Variants in FOXP1 observed in about 807,000 individuals in gnomAD.
FOXP1 encodes forkhead box protein P1.
In FOXP1, 15 loss-of-function variants were observed where a neutral mutation model predicts 98.2. That is an observed-to-expected ratio of 0.15 (90% confidence interval 0.10 to 0.24). The LOEUF is 0.24. Among genes scored for constraint, FOXP1 ranks in the 10% least tolerant of loss-of-function variants. The pLI is 1.00. For missense variants in FOXP1, 633 were observed against 848.5 expected, an observed-to-expected ratio of 0.75 and a Z score of 3.15; for synonymous variants, 371 against 314.5, an observed-to-expected ratio of 1.18 and a Z score of -1.90.
chr3:71,376,731 A>AC (rs1379300410), intron 3 of FOXP1, among the ~76,000 whole-genome samples: 5 of 152,106 alleles, frequency 3.3e-5, no homozygotes, highest in Non-Finnish European at 7.4e-5. Flanking sequence ...TTTCCTCTTA[A>AC]CCCCTCGATG....
intron 6 of FOXP1, among the ~76,000 whole-genome samples, chr3:71,178,227 C>T (rs1367391047): frequency 2.6e-5 from 4 of 151,450 alleles, no homozygotes; most frequent in African/African-American, 9.7e-5. Context: ...CTCCGCCTCC[C>T]GGGTTCAAGC....
At chr3:71,080,762 C>T (rs1343089561) in intron 7 of FOXP1, among the ~76,000 whole-genome samples, 1 of 152,150 alleles carries the variant, frequency 6.6e-6, no homozygotes, top group Non-Finnish European at 1.5e-5. Context: ...GATTCATCTC[C>T]TTCAGAATCC....
chr3:71,338,646 G>C (rs1255597042), intron 4 of FOXP1, among the ~76,000 whole-genome samples: 1 of 152,000 alleles, frequency 6.6e-6, no homozygotes, highest in Non-Finnish European at 1.5e-5. Flanking sequence ...AGCCAGGATG[G>C]TCTCGAACTC....
chr3:71,342,788 A>G (rs1312619408), intron 4 of FOXP1, among the ~76,000 whole-genome samples: 1 of 152,158 alleles, frequency 6.6e-6, no homozygotes. Flanking sequence ...TTGCAAAAAT[A>G]GTACAATACC....
intron 7 of FOXP1, among the ~76,000 whole-genome samples, chr3:71,082,666 A>G (rs2054582684): frequency 6.6e-6 from 1 of 152,048 alleles, no homozygotes. Flanking sequence ...AAAAAAAAAC[A>G]GACAAAAATT....
At chr3:71,478,270 C>T (rs563383275) in intron 3 of FOXP1, among the ~76,000 whole-genome samples, 3 of 152,202 alleles carry the variant, frequency 2.0e-5, no homozygotes, top group Admixed American at 6.5e-5. Flanking sequence ...ATCCGTAATA[C>T]CACCATCTGA....
chr3:71,490,831 T>C (rs561467491), intron 3 of FOXP1, among the ~76,000 whole-genome samples: 112 of 152,306 alleles, frequency 7.4e-4, no homozygotes, highest in Non-Finnish European at 1.3e-3. Context: ...AATTTTGTAA[T>C]AGTGAGATTG....
intron 6 of FOXP1, among the ~76,000 whole-genome samples, chr3:71,158,105 AAGGGAGGG>A (rs1160240201): frequency 2.9e-5 from 1 of 34,020 alleles, no homozygotes; most frequent in Non-Finnish European, 8.6e-5. Context: ...GGAAGGAAGG[AAGGGAGGG>A]AGGGAGGGAG....
chr3:70,966,638 T>A (rs1417129205), intron 19 of FOXP1, among the ~76,000 whole-genome samples: 1 of 152,188 alleles, frequency 6.6e-6, no homozygotes, highest in Non-Finnish European at 1.5e-5. Context: ...CAGTTTGAGA[T>A]AACTGGTTGA....
intron 7 of FOXP1, among the ~76,000 whole-genome samples, chr3:71,069,368 C>G (rs2052942220): frequency 6.6e-6 from 1 of 152,168 alleles, no homozygotes; most frequent in Non-Finnish European, 1.5e-5. Context: ...TCATAAGCAT[C>G]AGAGGTAAAC....
chr3:71,287,005 A>T (rs946971326), intron 5 of FOXP1, among the ~76,000 whole-genome samples: 4 of 152,240 alleles, frequency 2.6e-5, no homozygotes, highest in Non-Finnish European at 4.4e-5. Flanking sequence ...CACCAGTTGC[A>T]GGTATAGAAA....
chr3:71,205,024 C>T (rs1050149297), intron 5 of FOXP1, among the ~76,000 whole-genome samples: 8 of 152,144 alleles, frequency 5.3e-5, no homozygotes, highest in African/African-American at 1.7e-4. Context: ...AACAGAAAGG[C>T]GTAAATTTTC....
chr3:71,572,349 T>C (rs1461875751), intron 2 of FOXP1: 3 of 152,242 alleles, frequency 2.0e-5, no homozygotes, highest in African/African-American at 2.4e-5. Flanking sequence ...ACTGATGGTT[T>C]CTTATGAATC....
intron 7 of FOXP1, among the ~76,000 whole-genome samples, chr3:71,085,735 C>CTTTTTTTTTTTTTTTT (rs56318177): frequency 0.022 from 815 of 37,018 alleles, 361 homozygotes; most frequent in South Asian, 0.068. Context: ...CATTTATGGC[C>CTTTTTTTTTTTTTTTT]TTTTTTTTTT....
At chr3:71,459,212 G>A (rs1263126924) in intron 3 of FOXP1, among the ~76,000 whole-genome samples, 1 of 152,168 alleles carries the variant, frequency 6.6e-6, no homozygotes, top group Non-Finnish European at 1.5e-5. Context: ...TTTATAAAAT[G>A]AATTTAAATT....
intron 19 of FOXP1, among the ~76,000 whole-genome samples, chr3:70,968,081 T>C (rs1221535926): frequency 2.0e-5 from 3 of 152,170 alleles, no homozygotes; most frequent in African/African-American, 4.8e-5. Context: ...CCATTGCTGA[T>C]TGGGATTGGA....
At chr3:71,543,781 AT>A (rs770961800) in intron 2 of FOXP1, among the ~76,000 whole-genome samples, 1 of 152,222 alleles carries the variant, frequency 6.6e-6, no homozygotes, top group Non-Finnish European at 1.5e-5. Context: ...AGACTGAATC[AT>A]TTCTTTCTGG....
intron 4 of FOXP1, among the ~76,000 whole-genome samples, chr3:71,319,805 C>A (rs2075288883): frequency 6.6e-6 from 1 of 152,184 alleles, no homozygotes; most frequent in Admixed American, 6.5e-5. Flanking sequence ...GATCTACAAC[C>A]TTCTTCAGCA....
chr3:71,187,103 A>G lies in FOXP1; in HGVS notation c.180+11099T>C, dbSNP rs946230973. ...TTCCTGGTGTAGTCTGCAGAGTTATAGTGCCTTATACCTAGCCCCTACTCA... is the reference window on the plus strand; with the variant it reads ...TTCCTGGTGTAGTCTGCAGAGTTATGGTGCCTTATACCTAGCCCCTACTCA... On this transcript the variant is annotated intron_variant, in intron 6 of 20. Transcript: ENST00000649528. 2.0e-5 allele frequency among the ~76,000 whole-genome samples: 3 copies of G among 152,220 alleles called. 1 individual carries two copies. Among genetic ancestry groups the G allele is most frequent in the Non-Finnish European group, 4.4e-5 (3 of 68,046 alleles).
Sources: gnomAD v4.1 joint callset for allele counts (sites outside exome capture counted in the v4.1 genomes callset) on GRCh38, gnomAD v4.1.1 for gene constraint, MANE v1.5 for transcripts, NCBI Gene and HGNC (gene_info 2026-07-23, HGNC 2026-07-21) for gene names.